EPB41: variants seen among roughly 807,000 people sequenced by gnomAD.
EPB41 encodes the protein erythrocyte membrane protein band 4.1.
Under a neutral mutation model 108.0 loss-of-function variants are expected in EPB41, and 65 were observed. That is an observed-to-expected ratio of 0.60 (90% CI 0.49 to 0.74). The LOEUF (loss-of-function observed/expected upper bound fraction) is 0.74, where lower values mean the gene tolerates loss of function less well. Among genes scored for constraint, EPB41 ranks in the 30% least tolerant of loss-of-function variants. The probability of loss-of-function intolerance (pLI) is 0.00; values close to 1 mark genes in which losing one functional copy is unlikely to be tolerated. For missense variants in EPB41, 875 were observed against 1,037.0 expected (o/e 0.84, Z 2.15); for synonymous variants, 336 against 358.9 (o/e 0.94, Z 0.72).
intron 1 of EPB41, among the ~76,000 whole-genome samples, chr1:28,937,734 T>TA (rs1337513807): frequency 6.6e-6 from 1 of 152,212 alleles, no homozygotes; most frequent in African/African-American, 2.4e-5. Flanking sequence ...AAAAAATTTT[T>TA]GGTTGTTTTT....
intron 1 of EPB41, chr1:28,902,159 T>G (rs1202031425): frequency 1.0e-6 from 1 of 983,098 alleles, no homozygotes; most frequent in Non-Finnish European, 1.2e-6. Context: ...TCAATAAATG[T>G]GTGAATGAGA....
chr1:29,065,831 G>A (rs915825680), intron 16 of EPB41: 3 of 152,544 alleles, frequency 2.0e-5, no homozygotes, highest in Non-Finnish European at 4.4e-5. Flanking sequence ...GTCAGGTATA[G>A]TGGTGTACAC....
intron 4 of EPB41, among the ~76,000 whole-genome samples, chr1:29,000,210 T>C (rs976143249): frequency 6.6e-6 from 1 of 152,188 alleles, no homozygotes; most frequent in African/African-American, 2.4e-5. Flanking sequence ...GCAATTCTCC[T>C]GCCTCAGCCT....
chr1:28,962,824 C>T (rs946270647), intron 1 of EPB41, among the ~76,000 whole-genome samples: 6 of 152,098 alleles, frequency 3.9e-5, no homozygotes, highest in African/African-American at 1.2e-4. Context: ...ATTTATGGCT[C>T]GCAGTATGTG....
intron 9 of EPB41, 37 bp from the exon 10 acceptor site, chr1:29,035,789 A>G: frequency 2.7e-6 from 4 of 1,458,638 alleles, no homozygotes; most frequent in Non-Finnish European, 3.9e-6. Context: ...TATCACATGT[A>G]ATACTTCATG....
At chr1:28,972,666 C>G (rs957633) in intron 1 of EPB41, among the ~76,000 whole-genome samples, 17,923 of 151,600 alleles carry the variant, frequency 0.12, 1,359 homozygotes, top group East Asian at 0.37. Flanking sequence ...GTAGTGTGAT[C>G]ATGATTCACC....
chr1:28,995,533 GC>G (rs1459690306), intron 3 of EPB41, among the ~76,000 whole-genome samples: 1 of 152,224 alleles, frequency 6.6e-6, no homozygotes, highest in Non-Finnish European at 1.5e-5. Flanking sequence ...CTGCACTCCA[GC>G]CTGGCGACAG....
intron 15 of EPB41, 41 bp from the exon 16 acceptor site, chr1:29,064,941 T>C: frequency 6.2e-7 from 1 of 1,612,534 alleles, no homozygotes; most frequent in South Asian, 1.1e-5. Flanking sequence ...TTCTTTGTCC[T>C]GATTGTGTAT....
intron 1 of EPB41, among the ~76,000 whole-genome samples, chr1:28,968,980 C>G (rs889694646): frequency 3.3e-5 from 5 of 149,572 alleles, no homozygotes; most frequent in East Asian, 2.1e-4. Flanking sequence ...CCCCCCACCC[C>G]CCAAAAAAAA....
intron 16 of EPB41, among the ~76,000 whole-genome samples, chr1:29,075,505 G>A (rs569772180): frequency 2.6e-5 from 4 of 152,182 alleles, no homozygotes; most frequent in South Asian, 2.1e-4. Flanking sequence ...CTAGAAGGCA[G>A]CAGTGTCTTA....
chr1:29,058,298 A>C (rs1350561815), intron 12 of EPB41, among the ~76,000 whole-genome samples: 1 of 152,216 alleles, frequency 6.6e-6, no homozygotes, highest in Non-Finnish European at 1.5e-5. Flanking sequence ...TTTTTTATAA[A>C]TAAGTATAAA....
chr1:28,910,918 G>A (rs1447707909), upstream of EPB41: 1 of 948,874 alleles, frequency 1.1e-6, no homozygotes, highest in Admixed American at 6.2e-5. Flanking sequence ...CCCCATCCTG[G>A]GGCTTGGGGC....
At chr1:29,053,370 T>C in intron 12 of EPB41, 58 bp downstream of exon 12, 1 of 1,592,788 alleles carries the variant, frequency 6.3e-7, no homozygotes, top group Non-Finnish European at 8.6e-7. Context: ...GGCCTTAACT[T>C]TTTGACCAGG....
chr1:28,893,108 G>T (rs1405313493), intron 1 of EPB41, among the ~76,000 whole-genome samples: 2 of 151,902 alleles, frequency 1.3e-5, no homozygotes, highest in African/African-American at 2.4e-5. Context: ...CTGAGATAGG[G>T]TCTCACTCTG....
intron 4 of EPB41, among the ~76,000 whole-genome samples, chr1:29,004,237 A>G (rs903203145): frequency 2.0e-5 from 3 of 152,190 alleles, no homozygotes; most frequent in Non-Finnish European, 1.5e-5. Flanking sequence ...TCCAAATTTC[A>G]TCTCTAAGCA....
chr1:29,015,645 A>G, intron 5 of EPB41, 47 bp from the exon 6 acceptor site: 1 of 1,146,850 alleles, frequency 8.7e-7, no homozygotes. Context: ...TCCAACAATT[A>G]GAAACTTAGG....
At chr1:29,036,560 C>A (rs1283047463) in intron 10 of EPB41, among the ~76,000 whole-genome samples, 1 of 151,706 alleles carries the variant, frequency 6.6e-6, no homozygotes, top group Non-Finnish European at 1.5e-5. Flanking sequence ...TGTGCCCGGA[C>A]GGAATTTTTA....
chr1:29,064,619 A>G (rs181473302), intron 15 of EPB41, among the ~76,000 whole-genome samples: 37 of 152,252 alleles, frequency 2.4e-4, no homozygotes, highest in Non-Finnish European at 5.1e-4. Flanking sequence ...ATAATTTCTT[A>G]TCAAGCTGAG....
intron 2 of EPB41, among the ~76,000 whole-genome samples, chr1:28,990,721 A>C (rs954179425): frequency 3.9e-5 from 6 of 152,006 alleles, no homozygotes; most frequent in Non-Finnish European, 8.8e-5. Context: ...CCTGGCCTCA[A>C]GGGGTTTTTA....
Sources: gnomAD v4.1 joint callset for allele counts (sites outside exome capture counted in the v4.1 genomes callset) on GRCh38, gnomAD v4.1.1 for gene constraint, MANE v1.5 for transcripts, NCBI Gene and HGNC (gene_info 2026-07-23, HGNC 2026-07-21) for gene names.